Variants in DYSF observed in about 807,000 individuals in gnomAD.
DYSF encodes dystrophy-associated fer-1-like 1.
Under a neutral mutation model 274.9 loss-of-function variants are expected in DYSF, and 212 were observed. The ratio of observed to expected loss-of-function variants is 0.77; its 90% CI spans 0.69 to 0.86. DYSF has a LOEUF of 0.86. Among genes scored for constraint, DYSF ranks in the 40% least tolerant of loss-of-function variants. The pLI is 0.00. For synonymous variants in DYSF, 1,091 were observed against 1,078.7 expected (o/e 1.01, Z -0.22); for missense variants, 2,666 against 2,783.2 (o/e 0.96, Z 0.95).
chr2:71,661,052 G>A (rs575713248), intron 45 of DYSF, among the ~76,000 whole-genome samples: 3 of 145,430 alleles, frequency 2.1e-5, no homozygotes, highest in Non-Finnish European at 4.5e-5. Context: ...AGGAGTTTGA[G>A]CTTACAGTGA....
intron 30 of DYSF, among the ~76,000 whole-genome samples, chr2:71,576,740 C>T (rs2092711488): frequency 6.6e-6 from 1 of 152,156 alleles, no homozygotes; most frequent in African/African-American, 2.4e-5. Context: ...GACACGTGGA[C>T]AAAGCGTGGA....
Position 71,568,207 on chromosome 2 carries a change from CT to C in DYSF, c.2734del (p.Trp912GlyfsTer54). 1 of 1,614,250 alleles carries C rather than the reference CT, an allele frequency of 6.2e-7. No individual in the cohort carries two copies. Among genetic ancestry groups the C allele is most frequent in the Non-Finnish European group, 8.5e-7 (1 of 1,180,046 alleles). On this transcript the variant is annotated frameshift_variant, in exon 26 of 56. Transcript: ENST00000410020. LOFTEE classifies it high-confidence loss of function. ...NETKLALVGN[W>X]GTTGLTYPKF... ...AGACTAAGTTGGCCCTTGTTGGGAACTGGGGCACAACGGGCCTCACCTACCC... is the reference window on the plus strand; with the variant it reads ...AGACTAAGTTGGCCCTTGTTGGGAACGGGGCACAACGGGCCTCACCTACCC...
chr2:71,561,603 T>C (rs751321893), intron 22 of DYSF, 149 bp from the exon 23 acceptor site: 22 of 852,986 alleles, frequency 2.6e-5, no homozygotes, highest in Non-Finnish European at 4.2e-5. Flanking sequence ...CACATAGAGA[T>C]GGCTGTGTGT....
intron 16 of DYSF, among the ~76,000 whole-genome samples, chr2:71,536,531 C>T (rs1252174787): frequency 2.0e-5 from 3 of 152,326 alleles, no homozygotes; most frequent in South Asian, 4.1e-4. Context: ...TGACTGCGGG[C>T]GATGAGCTGT....
intron 32 of DYSF, 140 bp downstream of exon 32, chr2:71,590,428 G>C: frequency 1.1e-6 from 1 of 892,578 alleles, no homozygotes; most frequent in Non-Finnish European, 1.8e-6. Context: ...GTGGCTTCTT[G>C]GTCGTCAGGT....
At chr2:71,494,053 T>TTA (rs1357870422) in intron 3 of DYSF, among the ~76,000 whole-genome samples, 11 of 152,200 alleles carry the variant, frequency 7.2e-5, no homozygotes, top group Non-Finnish European at 1.0e-4. Flanking sequence ...AGTAAGGCTG[T>TTA]TATAGCCTTT....
At chr2:71,608,643 T>G (rs1003858799) in intron 36 of DYSF, among the ~76,000 whole-genome samples, 1 of 152,150 alleles carries the variant, frequency 6.6e-6, no homozygotes, top group African/African-American at 2.4e-5. Flanking sequence ...CTTCTCCAGG[T>G]TCTTGTTCCC....
chr2:71,609,636 T>C (rs11893178), intron 36 of DYSF, among the ~76,000 whole-genome samples: 26,715 of 152,060 alleles, frequency 0.18, 4,964 homozygotes, highest in African/African-American at 0.48. Flanking sequence ...GAGTAATCTG[T>C]CCAAGGCCTA....
At chr2:71,495,299 G>T (rs974890182) in intron 3 of DYSF, among the ~76,000 whole-genome samples, 2 of 152,208 alleles carry the variant, frequency 1.3e-5, no homozygotes, top group Admixed American at 6.5e-5. Context: ...AACAGTCTCA[G>T]AAAGTTTATG....
rs1486715361 is a variant in DYSF, at chr2:71,516,973, TG to T, written c.952-15del. The T allele has an allele frequency of 1.9e-6, 3 of 1,610,144 alleles. No homozygotes were observed. In the Admixed American group the frequency reaches 5.0e-5, roughly 27 times the overall value. ...TGTTCCCTGTGAATGTGAGTTTCCATGATCTTTCTCTGCAGGTGGTAGACTC... is the reference window on the plus strand; with the variant it reads ...TGTTCCCTGTGAATGTGAGTTTCCATATCTTTCTCTGCAGGTGGTAGACTC... On this transcript the variant is annotated splice_polypyrimidine_tract_variant and intron_variant, in intron 9 of 55. Coordinates refer to ENST00000410020, the MANE Select transcript of DYSF (RefSeq NM_001130987.2).
In DYSF at chr2:71,570,358, G is replaced by A. The variant is rs535785306; in HGVS notation, c.3085+24G>A. The A allele has an allele frequency of 1.5e-4, 241 of 1,608,160 alleles. 1 individual carries two copies. The highest frequency in any genetic ancestry group is 1.2e-3 in the South Asian group (110 of 90,944). On this transcript the variant is annotated intron_variant, in intron 28 of 55. Coordinates refer to ENST00000410020, the MANE Select transcript of DYSF (RefSeq NM_001130987.2). Reference sequence around the variant, plus strand: ...AGGTGGGCAGCATGTGGAACCTGGCGAGCCCCATCCCCGGCAAGCTCTCAA... The same window carrying A: ...AGGTGGGCAGCATGTGGAACCTGGCAAGCCCCATCCCCGGCAAGCTCTCAA...
chr2:71,668,596 C>T (rs746518683), intron 48 of DYSF, among the ~76,000 whole-genome samples, 158 bp from the exon 49 acceptor site: 6 of 152,180 alleles, frequency 3.9e-5, no homozygotes, highest in Non-Finnish European at 7.3e-5. Flanking sequence ...GTCACCTCTG[C>T]GGTTGACCCT....
At chr2:71,664,161 G>T (rs543535878) in intron 45 of DYSF, 107 bp from the exon 46 acceptor site, 1 of 1,406,874 alleles carries the variant, frequency 7.1e-7, no homozygotes, top group Admixed American at 1.7e-5. Flanking sequence ...TCTGTAGGGG[G>T]CCCAAGGAAA....
chr2:71,553,750 C>CA, intron 20 of DYSF, 57 bp from the exon 21 acceptor site: 1 of 1,011,272 alleles, frequency 9.9e-7, no homozygotes, highest in Non-Finnish European at 1.5e-6. Flanking sequence ...TCTTAGCACC[C>CA]CATCCCACCC....
intron 1 of DYSF, among the ~76,000 whole-genome samples, chr2:71,456,337 C>T (rs2081062488): frequency 6.6e-6 from 1 of 152,174 alleles, no homozygotes. Context: ...CCTCCCCCAG[C>T]CCCTGGCCAC....
intron 36 of DYSF, among the ~76,000 whole-genome samples, chr2:71,608,845 T>G (rs535829155): frequency 9.2e-5 from 14 of 152,262 alleles, no homozygotes; most frequent in African/African-American, 2.9e-4. Flanking sequence ...TGAGTTTTCC[T>G]TAGTGATTTT....
chr2:71,552,935 G>A (rs1376261616), intron 19 of DYSF, 76 bp from the exon 20 acceptor site: 2 of 1,521,946 alleles, frequency 1.3e-6, no homozygotes, highest in African/African-American at 2.7e-5. Context: ...GGGCCTGCCA[G>A]ACGTATGTCC....
At chr2:71,519,280 T>C (rs998743100) in intron 10 of DYSF, among the ~76,000 whole-genome samples, 5 of 152,088 alleles carry the variant, frequency 3.3e-5, no homozygotes, top group Non-Finnish European at 7.4e-5. Flanking sequence ...TGAGCCCAAG[T>C]CATTCTGTAA....
rs764947245 is a variant in DYSF, at chr2:71,667,510, G to C, written c.5452G>C (p.Glu1818Gln). ...PLYSPLQPDIEQGKLQMWVDL... is the reference protein window; with the variant it reads ...PLYSPLQPDIQQGKLQMWVDL... ...CTACAGCCCCCTGCAGCCAGACATC[G>C]AGCAGGTAGGACCTTGACCCTTGGG... Residue 1818 changes from glutamate to glutamine, a missense_variant, in exon 48 of 56, where the codon GAG becomes CAG. Transcript: ENST00000410020. 1 of 1,613,934 alleles carries C rather than the reference G, an allele frequency of 6.2e-7. No individual in the cohort carries two copies. The highest frequency in any genetic ancestry group is 1.1e-5 in the South Asian group (1 of 91,080).
Sources: gnomAD v4.1 joint callset for allele counts (sites outside exome capture counted in the v4.1 genomes callset) on GRCh38, gnomAD v4.1.1 for gene constraint, MANE v1.5 for transcripts, NCBI Gene and HGNC (gene_info 2026-07-23, HGNC 2026-07-21) for gene names.